Variants in HOMER3 observed in about 807,000 individuals in gnomAD.
The protein encoded by HOMER3 is homer protein homolog 3.
In HOMER3, 34 loss-of-function variants were observed where a neutral mutation model predicts 45.5. The observed-to-expected ratio is 0.75, with a 90% CI of 0.57 to 1.00. The LOEUF (loss-of-function observed/expected upper bound fraction) is 1.00, where lower values mean the gene tolerates loss of function less well. HOMER3 is among the 50% of genes least tolerant of loss of function. The pLI, the probability that HOMER3 is intolerant of heterozygous loss-of-function variation, is 0.00. For synonymous variants in HOMER3, 223 were observed against 208.8 expected (o/e 1.07, Z -0.58); for missense variants, 480 against 497.5 (o/e 0.96, Z 0.33).
intron 4 of HOMER3, among the ~76,000 whole-genome samples, chr19:18,937,651 G>A (rs2057107932): frequency 7.2e-6 from 1 of 139,492 alleles, no homozygotes; most frequent in East Asian, 2.1e-4. Context: ...CAGCCTGGGG[G>A]ACAGAGCAAG....
At chr19:18,933,445 C>T (rs546575865) in intron 5 of HOMER3, among the ~76,000 whole-genome samples, 243 of 152,294 alleles carry the variant, frequency 1.6e-3, no homozygotes, top group Non-Finnish European at 2.8e-3. Context: ...AGGCCGAATT[C>T]GTGTTTCGTG....
chr19:18,935,680 T>C (rs1435604940), intron 4 of HOMER3, among the ~76,000 whole-genome samples: 2 of 152,152 alleles, frequency 1.3e-5, no homozygotes, highest in African/African-American at 4.8e-5. Flanking sequence ...ATAGGATATG[T>C]TTCCCCCCAC....
chr19:18,938,388 C>T lies in HOMER3; in HGVS notation c.268G>A (p.Gly90Ser), dbSNP rs757350490. 3.1e-6 allele frequency: 5 copies of T among 1,613,824 alleles called. No homozygotes were observed. The highest frequency in any genetic ancestry group is 2.7e-5 in the African/African-American group (2 of 74,908). ...TGCTGTTCAGAGGCAAAGCCCAGGC[C>T]GTAGACTGTGTTGGCGCGACTGTCG... is the stretch of plus-strand genomic sequence containing the variant. ...WADSRANTVY[G>S]LGFASEQHLT... The change falls in exon 4 of 10, where the codon GGC becomes AGC. Residue 90 changes from glycine (G) to serine (S), a missense_variant. Transcript: ENST00000392351.
At chr19:18,934,237 T>A (rs1286792420) in intron 5 of HOMER3, 66 bp downstream of exon 5, 2 of 916,124 alleles carry the variant, frequency 2.2e-6, no homozygotes, top group Non-Finnish European at 3.1e-6. Flanking sequence ...GGTCCCCCAA[T>A]ATCAGTTGAG....
chr19:18,933,343 G>T (rs927889855), intron 5 of HOMER3, among the ~76,000 whole-genome samples: 2 of 152,200 alleles, frequency 1.3e-5, no homozygotes, highest in African/African-American at 4.8e-5. Context: ...TGTAAGGTAG[G>T]GGAGGGGTAC....
chr19:18,932,827 T>A (rs1033404917), intron 6 of HOMER3, 97 bp downstream of exon 6: 7 of 984,486 alleles, frequency 7.1e-6, no homozygotes, highest in Non-Finnish European at 9.8e-6. Context: ...CACAGTTAGA[T>A]CCCGCCGTCC....
At chr19:18,932,685 G>A (rs1255189859) in intron 6 of HOMER3, among the ~76,000 whole-genome samples, 1 of 152,032 alleles carries the variant, frequency 6.6e-6, no homozygotes, top group African/African-American at 2.4e-5. Flanking sequence ...GCATCGACGG[G>A]GCGAGGTTAG....
Position 18,931,625 on chromosome 19 carries a change from C to A in HOMER3, c.691G>T (p.Val231Leu). 2 of 1,600,984 alleles carry A rather than the reference C, an allele frequency of 1.2e-6. No homozygotes were observed. Among genetic ancestry groups the A allele is most frequent in the South Asian group, 1.1e-5 (1 of 90,218 alleles). The change falls in exon 8 of 10, where the codon GTG (valine) becomes TTG (leucine). Residue 231 changes from valine (V) to leucine (L), a missense_variant and splice_region_variant. By Grantham distance (32) the Val-to-Leu change is conservative. Coordinates refer to ENST00000392351, the MANE Select transcript of HOMER3 (RefSeq NM_004838.4). ...GCTGCCTGAGCCTCCAGCTCAGCCA[C>A]CTGTAGGGCAGGAATAGCAGCCCCT... ...RAEAERLRQR[V>L]AELEAQAASE...
intron 4 of HOMER3, among the ~76,000 whole-genome samples, chr19:18,937,958 G>A (rs1397242744): frequency 1.3e-5 from 2 of 151,992 alleles, no homozygotes; most frequent in African/African-American, 4.8e-5. Flanking sequence ...TTGGGAGGCC[G>A]AGGCAGGCAG....
At chr19:18,934,206 GC>G in intron 5 of HOMER3, 96 bp downstream of exon 5, 1 of 641,670 alleles carries the variant, frequency 1.6e-6, no homozygotes, top group Non-Finnish European at 2.5e-6. Flanking sequence ...CCAGCAGAGT[GC>G]CCCGGTCTCC....
At chr19:18,935,155 G>C (rs1367474928) in intron 4 of HOMER3, among the ~76,000 whole-genome samples, 2 of 144,756 alleles carry the variant, frequency 1.4e-5, no homozygotes, top group South Asian at 2.2e-4. Flanking sequence ...TTTTTTTTGG[G>C]GGGGGACAGA....
chr19:18,933,774 G>A (rs576026725), intron 5 of HOMER3, among the ~76,000 whole-genome samples: 9 of 151,794 alleles, frequency 5.9e-5, no homozygotes, highest in African/African-American at 2.2e-4. Flanking sequence ...GCACGATCTC[G>A]GCTCACTGCA....
chr19:18,931,445 G>A (rs758866803), intron 8 of HOMER3, 34 bp from the exon 9 acceptor site: 1 of 1,612,802 alleles, frequency 6.2e-7, no homozygotes, highest in Non-Finnish European at 8.5e-7. Context: ...TCTGTTGCGG[G>A]GGTCCTGGCT....
chr19:18,934,551 A>G, intron 4 of HOMER3, 141 bp from the exon 5 acceptor site: 1 of 495,452 alleles, frequency 2.0e-6, no homozygotes, highest in South Asian at 3.1e-5. Flanking sequence ...AGAAACTTTG[A>G]AAAATGATGT....
chr19:18,934,210 C>T (rs1036162044), intron 5 of HOMER3, 93 bp downstream of exon 5: 12 of 677,742 alleles, frequency 1.8e-5, no homozygotes, highest in South Asian at 4.9e-5. Context: ...CAGAGTGCCC[C>T]GGTCTCCCAA....
intron 6 of HOMER3, among the ~76,000 whole-genome samples, chr19:18,932,524 C>T (rs2057047568): frequency 6.6e-6 from 1 of 151,866 alleles, no homozygotes; most frequent in African/African-American, 2.4e-5. Context: ...GGCAGTCCCG[C>T]AGAAGCGGGG....
intron 4 of HOMER3, among the ~76,000 whole-genome samples, chr19:18,935,171 G>A (rs1271792245): frequency 4.0e-5 from 5 of 124,934 alleles, no homozygotes; most frequent in African/African-American, 9.3e-5. Context: ...ACAGAATCTC[G>A]CTTTGTCACC....
chr19:18,938,556 C>T (rs2057119267), intron 3 of HOMER3, 72 bp from the exon 4 acceptor site: 12 of 1,560,544 alleles, frequency 7.7e-6, no homozygotes, highest in Non-Finnish European at 1.1e-5. Flanking sequence ...CAGGTATTAC[C>T]TTGTATTAGG....
rs572530561 is a variant in HOMER3, at chr19:18,929,298, C to T, written c.*145G>A. On this transcript the variant is annotated 3_prime_UTR_variant, in exon 10 of 10. Coordinates refer to ENST00000392351, the MANE Select transcript of HOMER3 (RefSeq NM_004838.4). ...TGCCAACAACCAGAGCCGACTGGGG[C>T]CCACCCCAGCCCAGCCCGGCCCGGC... is the stretch of plus-strand genomic sequence containing the variant. The T allele has an allele frequency of 2.8e-4, 251 of 889,776 alleles. 1 individual carries two copies. The highest frequency in any genetic ancestry group is 6.8e-5 in the Non-Finnish European group (36 of 532,786). 55.1% of individuals were successfully genotyped at this position (889,776 alleles called of 1,614,324 possible). A position where few individuals can be genotyped will look rare whatever the true frequency, so the allele number is the denominator to read the frequency against.
Sources: gnomAD v4.1 joint callset for allele counts (sites outside exome capture counted in the v4.1 genomes callset) on GRCh38, gnomAD v4.1.1 for gene constraint, MANE v1.5 for transcripts, NCBI Gene and HGNC (gene_info 2026-07-23, HGNC 2026-07-21) for gene names.